The following C12orf54 variants were observed in gnomAD, a reference collection of about 807,000 sequenced individuals.
The protein encoded by C12orf54 is chromosome 12 open reading frame 54, also known as uncharacterized protein C12orf54.
C12orf54 carries 24 observed loss-of-function variants against 26.4 expected under a neutral mutation model. That is an observed-to-expected ratio of 0.91 (90% CI 0.66 to 1.28). C12orf54 has a LOEUF of 1.28. Ranked by LOEUF, C12orf54 falls within the 50% of genes most tolerant of loss-of-function variation. C12orf54 has a pLI of 0.00. For missense variants in C12orf54, 154 were observed against 150.9 expected (o/e 1.02, Z -0.11); for synonymous variants, 54 against 47.0 (o/e 1.15, Z -0.61).
At chr12:48,441,799 C>T in the C12orf54 span, among the ~76,000 whole-genome samples, 2 of 152,016 alleles carry the variant, frequency 1.3e-5, no homozygotes, top group African/African-American at 2.4e-5. Context: ...TGGTATCATC[C>T]CAAGAAAATA....
At chr12:48,420,402 C>G in the C12orf54 span, among the ~76,000 whole-genome samples, 1 of 152,190 alleles carries the variant, frequency 6.6e-6, no homozygotes, top group Non-Finnish European at 1.5e-5. Flanking sequence ...ACTTAGCCAC[C>G]CTTTTTTTAG....
chr12:48,455,857 A>G, the C12orf54 span, among the ~76,000 whole-genome samples: 1 of 152,208 alleles, frequency 6.6e-6, no homozygotes, highest in Non-Finnish European at 1.5e-5. Flanking sequence ...TTCGCCTTCT[A>G]TTACTCAGTT....
chr12:48,467,239 G>A, the C12orf54 span, among the ~76,000 whole-genome samples: 1 of 152,168 alleles, frequency 6.6e-6, no homozygotes, highest in Non-Finnish European at 1.5e-5. Context: ...TACACAGATT[G>A]TCTGCAGCCA....
upstream of C12orf54, among the ~76,000 whole-genome samples, chr12:48,481,470 T>A (rs1235956376): frequency 2.6e-5 from 4 of 152,050 alleles, no homozygotes; most frequent in Non-Finnish European, 5.9e-5. Flanking sequence ...TTCATGATAG[T>A]AAGAAGGTGG....
At chr12:48,477,979 A>C (rs1954161013), upstream of C12orf54, among the ~76,000 whole-genome samples, 1 of 152,210 alleles carries the variant, frequency 6.6e-6, no homozygotes, top group African/African-American at 2.4e-5. Context: ...CTTGATGAAC[A>C]TTGATGCAAA....
intron 6 of C12orf54, among the ~76,000 whole-genome samples, 155 bp downstream of exon 6, chr12:48,490,991 A>G (rs565284206): frequency 6.6e-6 from 1 of 152,348 alleles, no homozygotes; most frequent in East Asian, 1.9e-4. Context: ...TCTTCCATTT[A>G]GCTTACAGCC....
the C12orf54 span, among the ~76,000 whole-genome samples, chr12:48,438,678 G>C: frequency 6.6e-6 from 1 of 152,178 alleles, no homozygotes. Context: ...TTAATAAATG[G>C]TGCTGGGAAA....
chr12:48,418,508 G>T, the C12orf54 span, among the ~76,000 whole-genome samples: 22 of 152,256 alleles, frequency 1.4e-4, no homozygotes, highest in African/African-American at 2.2e-4. Flanking sequence ...CTTAACAAGT[G>T]AATTTAGTCT....
the C12orf54 span, among the ~76,000 whole-genome samples, chr12:48,438,201 G>A: frequency 1.6e-4 from 24 of 152,152 alleles, no homozygotes; most frequent in South Asian, 1.2e-3. Context: ...TACAAGGGAC[G>A]TGAAGGACCT....
chr12:48,451,743 G>A, the C12orf54 span, among the ~76,000 whole-genome samples: 119 of 152,192 alleles, frequency 7.8e-4, no homozygotes, highest in Middle Eastern at 3.4e-3. Flanking sequence ...ATTCACAATT[G>A]CCATAATGAA....
the C12orf54 span, among the ~76,000 whole-genome samples, chr12:48,469,299 T>C: frequency 6.6e-6 from 1 of 152,186 alleles, no homozygotes; most frequent in Non-Finnish European, 1.5e-5. Context: ...AGAGCGGCCA[T>C]TTTAGGGACT....
the C12orf54 span, among the ~76,000 whole-genome samples, chr12:48,458,551 A>G: frequency 2.6e-5 from 4 of 152,314 alleles, no homozygotes; most frequent in Admixed American, 2.6e-4. Flanking sequence ...ACTACAAAGT[A>G]GCTTCTCAAG....
At chr12:48,474,991 A>AC in the C12orf54 span, among the ~76,000 whole-genome samples, 2 of 152,016 alleles carry the variant, frequency 1.3e-5, no homozygotes, top group African/African-American at 4.8e-5. Flanking sequence ...ACTGGGAGGC[A>AC]CCCCCCAGTA....
chr12:48,472,219 T>C, the C12orf54 span, among the ~76,000 whole-genome samples: 33 of 152,336 alleles, frequency 2.2e-4, no homozygotes, highest in East Asian at 6.4e-3. Flanking sequence ...CTAAAACTGT[T>C]TATCAGCTCT....
the C12orf54 span, among the ~76,000 whole-genome samples, chr12:48,437,439 A>G: frequency 6.6e-6 from 1 of 152,162 alleles, no homozygotes; most frequent in Non-Finnish European, 1.5e-5. Context: ...CCGGGCAGAG[A>G]CACAACAAAA....
chr12:48,413,376 C>T, the C12orf54 span, among the ~76,000 whole-genome samples: 1 of 152,140 alleles, frequency 6.6e-6, no homozygotes, highest in East Asian at 1.9e-4. Flanking sequence ...CTGCCTTTTG[C>T]CTGCCCTCTG....
At chr12:48,489,228 G>T (rs1304633790) in intron 5 of C12orf54, 1 of 635,064 alleles carries the variant, frequency 1.6e-6, no homozygotes, top group East Asian at 3.2e-5. Flanking sequence ...CTATGTGGTT[G>T]TATGAAATGC....
the C12orf54 span, among the ~76,000 whole-genome samples, chr12:48,475,742 T>A: frequency 6.6e-6 from 1 of 152,164 alleles, no homozygotes; most frequent in Non-Finnish European, 1.5e-5. Context: ...AATATGGGAC[T>A]ATGTGAAAAG....
chr12:48,467,870 T>C, the C12orf54 span, among the ~76,000 whole-genome samples: 54 of 152,260 alleles, frequency 3.5e-4, no homozygotes, highest in African/African-American at 1.1e-3. Flanking sequence ...TGTAACAACT[T>C]AGCTATTTTA....
Sources: gnomAD v4.1 joint callset for allele counts (sites outside exome capture counted in the v4.1 genomes callset) on GRCh38, gnomAD v4.1.1 for gene constraint, MANE v1.5 for transcripts, NCBI Gene and HGNC (gene_info 2026-07-23, HGNC 2026-07-21) for gene names.